PRKCB: variants seen among roughly 807,000 people sequenced by gnomAD.
PRKCB encodes the protein protein kinase C beta type.
Under a neutral mutation model 81.5 loss-of-function variants are expected in PRKCB, and 13 were observed. That is an observed-to-expected ratio of 0.16 (90% CI 0.10 to 0.25). PRKCB has a LOEUF of 0.25. PRKCB is among the 10% of genes least tolerant of loss of function. The probability of loss-of-function intolerance (pLI) is 1.00; values close to 1 mark genes in which losing one functional copy is unlikely to be tolerated. For synonymous variants in PRKCB, 335 were observed against 321.4 expected (o/e 1.04, Z -0.45); for missense variants, 509 against 875.7 (o/e 0.58, Z 5.29).
intron 2 of PRKCB, among the ~76,000 whole-genome samples, chr16:23,909,984 T>C (rs945939957): frequency 3.3e-5 from 5 of 152,120 alleles, no homozygotes; most frequent in African/African-American, 9.7e-5. Flanking sequence ...AACCAATTAA[T>C]CTGTAGAGGA....
At chr16:23,901,342 T>TA (rs914575752) in intron 2 of PRKCB, among the ~76,000 whole-genome samples, 3 of 151,924 alleles carry the variant, frequency 2.0e-5, no homozygotes, top group Non-Finnish European at 2.9e-5. Flanking sequence ...TTCTCTTGCT[T>TA]AAAAAAAATC....
intron 8 of PRKCB, among the ~76,000 whole-genome samples, chr16:24,121,346 A>G (rs899393983): frequency 1.3e-5 from 2 of 152,194 alleles, no homozygotes; most frequent in Admixed American, 6.5e-5. Flanking sequence ...AGCACTTAGC[A>G]TGTAGCAGGT....
chr16:24,066,834 C>T (rs1234947757), intron 5 of PRKCB, among the ~76,000 whole-genome samples: 1 of 152,098 alleles, frequency 6.6e-6, no homozygotes, highest in Non-Finnish European at 1.5e-5. Context: ...ATGTTTAATT[C>T]TAAAGCTTTC....
chr16:23,914,691 G>T (rs943258257), intron 2 of PRKCB, among the ~76,000 whole-genome samples: 1 of 152,094 alleles, frequency 6.6e-6, no homozygotes, highest in Non-Finnish European at 1.5e-5. Context: ...CTTAGAACAG[G>T]GAGCTTTCAA....
intron 7 of PRKCB, 143 bp downstream of exon 7, chr16:24,094,440 G>T: frequency 8.4e-7 from 1 of 1,184,746 alleles, no homozygotes; most frequent in Non-Finnish European, 1.2e-6. Flanking sequence ...CTGCCTTGCA[G>T]ATATGTTTTG....
chr16:23,999,177 A>G (rs1300190479), intron 3 of PRKCB, among the ~76,000 whole-genome samples: 2 of 152,206 alleles, frequency 1.3e-5, no homozygotes, highest in Non-Finnish European at 2.9e-5. Context: ...GCTGCCCCTG[A>G]TACTCATGCA....
intron 5 of PRKCB, among the ~76,000 whole-genome samples, chr16:24,081,536 A>AATAGG (rs1966248903): frequency 1.3e-5 from 2 of 152,140 alleles, no homozygotes; most frequent in Non-Finnish European, 2.9e-5. Flanking sequence ...AGTCCTATTC[A>AATAGG]ACATCATGTC....
chr16:23,992,362 A>G (rs1041640352), intron 3 of PRKCB, among the ~76,000 whole-genome samples: 4 of 152,186 alleles, frequency 2.6e-5, no homozygotes, highest in Non-Finnish European at 5.9e-5. Flanking sequence ...GATTAGATTT[A>G]AGAATGCTAA....
At chr16:23,844,251 T>C (rs754543985) in intron 2 of PRKCB, among the ~76,000 whole-genome samples, 5 of 152,222 alleles carry the variant, frequency 3.3e-5, no homozygotes, top group African/African-American at 4.8e-5. Flanking sequence ...AATCTCTTCA[T>C]TGAAATTGTG....
At chr16:24,206,728 G>A (rs1007240997) in intron 16 of PRKCB, among the ~76,000 whole-genome samples, 12 of 152,168 alleles carry the variant, frequency 7.9e-5, no homozygotes, top group Admixed American at 7.9e-4. Context: ...CCTGTCCCAT[G>A]GTCCCATGCA....
chr16:24,195,686 C>A (rs1967867796), intron 16 of PRKCB, among the ~76,000 whole-genome samples: 1 of 152,122 alleles, frequency 6.6e-6, no homozygotes, highest in South Asian at 2.1e-4. Flanking sequence ...AGAGTCATTT[C>A]TTTTTTAATG....
At chr16:24,075,323 T>A (rs1345918654) in intron 5 of PRKCB, among the ~76,000 whole-genome samples, 1 of 152,170 alleles carries the variant, frequency 6.6e-6, no homozygotes, top group African/African-American at 2.4e-5. Context: ...ATGCAGCAAG[T>A]CAATACACTA....
At chr16:24,109,306 C>G (rs1168823058) in intron 7 of PRKCB, among the ~76,000 whole-genome samples, 2 of 71,860 alleles carry the variant, frequency 2.8e-5, no homozygotes, top group African/African-American at 6.7e-5. Flanking sequence ...ACCTCCCTCC[C>G]GGATGGGGTG....
At chr16:24,168,794 A>C (rs1303005652) in intron 10 of PRKCB, among the ~76,000 whole-genome samples, 3 of 148,738 alleles carry the variant, frequency 2.0e-5, no homozygotes, top group African/African-American at 7.5e-5. Flanking sequence ...CCTAGCCTCA[A>C]GTGATTTTCC....
At chr16:23,903,382 G>C (rs11074587) in intron 2 of PRKCB, among the ~76,000 whole-genome samples, 79,727 of 151,652 alleles carry the variant, frequency 0.53, 21,732 homozygotes, top group East Asian at 0.63. Context: ...TACATCTGGG[G>C]ATTGGTATTA....
chr16:23,982,568 C>T (rs2141817434), intron 2 of PRKCB, among the ~76,000 whole-genome samples: 2 of 151,830 alleles, frequency 1.3e-5, no homozygotes, highest in South Asian at 4.2e-4. Flanking sequence ...TAGCTGGGAC[C>T]ACAGGTGCCC....
chr16:24,101,612 G>A (rs570833082), intron 7 of PRKCB, among the ~76,000 whole-genome samples: 2 of 152,372 alleles, frequency 1.3e-5, no homozygotes, highest in South Asian at 4.1e-4. Context: ...TAGTTAGCTT[G>A]GCCTAGGCCC....
At chr16:24,085,671 TG>T (rs2141895779) in intron 5 of PRKCB, among the ~76,000 whole-genome samples, 1 of 152,082 alleles carries the variant, frequency 6.6e-6, no homozygotes, top group South Asian at 2.1e-4. Flanking sequence ...AATTTGGGGG[TG>T]GGGAGACAAA....
intron 2 of PRKCB, among the ~76,000 whole-genome samples, chr16:23,858,049 G>A (rs978248197): frequency 6.6e-6 from 1 of 152,130 alleles, no homozygotes; most frequent in African/African-American, 2.4e-5. Context: ...CTTGGTTTTA[G>A]GATTGTGTAA....
Sources: allele counts gnomAD v4.1 joint callset (sites outside exome capture counted in the v4.1 genomes callset), GRCh38; gene constraint gnomAD v4.1.1; transcripts MANE v1.5; gene names NCBI Gene and HGNC (gene_info 2026-07-23, HGNC 2026-07-21).